The following PIK3CD variants were observed in gnomAD, a reference collection of about 807,000 sequenced individuals.
The protein encoded by PIK3CD is phosphatidylinositol-4,5-bisphosphate 3-kinase catalytic subunit delta, also known as phosphatidylinositol 4,5-bisphosphate 3-kinase catalytic subunit delta isoform.
In PIK3CD, 20 loss-of-function variants were observed where a neutral mutation model predicts 122.9. That is an observed-to-expected ratio of 0.16 (90% CI 0.11 to 0.24). PIK3CD has a LOEUF of 0.24. Among genes scored for constraint, PIK3CD ranks in the 10% least tolerant of loss-of-function variants. PIK3CD has a pLI of 1.00. For missense variants in PIK3CD, 787 were observed against 1,406.3 expected, an observed-to-expected ratio of 0.56 and a Z score of 7.04; for synonymous variants, 596 against 593.4, an observed-to-expected ratio of 1.00 and a Z score of -0.06.
intron 1 of PIK3CD, among the ~76,000 whole-genome samples, chr1:9,658,754 T>C (rs1644931691): frequency 6.6e-6 from 1 of 152,098 alleles, no homozygotes; most frequent in Non-Finnish European, 1.5e-5. Flanking sequence ...GGTCTCAAAC[T>C]CCTGACCTCA....
intron 1 of PIK3CD, among the ~76,000 whole-genome samples, chr1:9,675,804 C>T (rs1246438466): frequency 6.6e-6 from 1 of 150,488 alleles, no homozygotes; most frequent in East Asian, 1.9e-4. Context: ...CTCGCTGTGT[C>T]ACCCAGTCTG....
rs374244384 is a variant in PIK3CD at position 9,715,780 on chromosome 1, C to T, written c.370+11C>T. On this transcript the variant is annotated intron_variant, in intron 4 of 23. Transcript: ENST00000377346. This position sits in a 1 kb window ranked among gnomAD's most constrained non-coding sequence, Gnocchi z 4.1. ...TCCTCATCGGCAAAGGTAGCTCTGC[C>T]GAGTGGGCCGTGTGGCCGGGCTGGC... The T allele has an allele frequency of 8.1e-6, 13 of 1,612,730 alleles. 1 individual carries two copies. The highest frequency in any genetic ancestry group is 5.5e-5 in the South Asian group (5 of 91,080).
intron 1 of PIK3CD, among the ~76,000 whole-genome samples, chr1:9,679,621 C>T (rs1305108027): frequency 2.0e-5 from 3 of 152,158 alleles, no homozygotes; most frequent in Non-Finnish European, 4.4e-5. Flanking sequence ...TCACAGAGCT[C>T]TCCCAGCCCT....
chr1:9,724,898 C>T lies in PIK3CD; in HGVS notation c.2959C>T (p.Pro987Ser). ...LFALMRAAGL[P>S]ELSCSKDIQY... Reference sequence around the variant, plus strand: ...TGCCCTGATGCGGGCGGCAGGCCTGCCTGAGCTCAGCTGCTCCAAAGACAT... The same window carrying T: ...TGCCCTGATGCGGGCGGCAGGCCTGTCTGAGCTCAGCTGCTCCAAAGACAT... Residue 987 changes from proline (P) to serine (S), a missense_variant, in exon 23 of 24, where the codon CCT (proline) becomes TCT (serine). By Grantham distance (74) the Pro-to-Ser change is moderately conservative. This residue lies in a region of PIK3CD where 60 missense variants were observed against 129.5 expected (regional missense o/e 0.46). Coordinates refer to ENST00000377346, the MANE Select transcript of PIK3CD (RefSeq NM_005026.5). The surrounding 1 kb of genome is among the most constrained non-coding windows in gnomAD (Gnocchi z 7.3). The T allele has an allele frequency of 1.2e-6, 2 of 1,613,918 alleles. No individual in the cohort carries two copies. The highest frequency in any genetic ancestry group is 1.7e-6 in the Non-Finnish European group (2 of 1,180,034).
At chr1:9,644,667 A>T in the PIK3CD span, among the ~76,000 whole-genome samples, 1 of 152,088 alleles carries the variant, frequency 6.6e-6, no homozygotes, top group African/African-American at 2.4e-5. Context: ...AACTGTTGTC[A>T]TGTGTGCCTT....
intron 1 of PIK3CD, chr1:9,687,651 A>T (rs1050930637): frequency 6.6e-6 from 1 of 152,154 alleles, no homozygotes; most frequent in Non-Finnish European, 1.5e-5. Flanking sequence ...GGATCTGTGA[A>T]AGCACAGCCA....
chr1:9,669,425 T>C (rs1360790409), intron 1 of PIK3CD, among the ~76,000 whole-genome samples: 1 of 152,074 alleles, frequency 6.6e-6, no homozygotes, highest in Non-Finnish European at 1.5e-5. Flanking sequence ...TCTCAAGAGG[T>C]CCTGAGAAAG....
chr1:9,657,164 G>C (rs942855365), intron 1 of PIK3CD, among the ~76,000 whole-genome samples: 1 of 152,062 alleles, frequency 6.6e-6, no homozygotes, highest in Non-Finnish European at 1.5e-5. Flanking sequence ...CTGGGTCTCC[G>C]TCTGTCTCTT....
At position 9,728,727 on chromosome 1, in the gene PIK3CD, C is replaced by CTT. The variant is rs1159309849; in HGVS notation, c.*1683_*1684dup. On this transcript the variant is annotated 3_prime_UTR_variant, in exon 24 of 24. Coordinates refer to ENST00000377346, the MANE Select transcript of PIK3CD (RefSeq NM_005026.5). ...CTGTGTGCGCGGGTGTGGGAGCACA[C>CTT]TTTGCAAAGCCACAGCGTTTCTGGT... The CTT allele has an allele frequency of 1.3e-5, 2 of 152,284 alleles. No homozygotes were observed. The highest frequency in any genetic ancestry group is 2.4e-5 in the African/African-American group (1 of 41,472). The allele number at this position is 152,284 out of a possible 1,614,324, so 9.4% of individuals were successfully genotyped here.
intron 2 of PIK3CD, among the ~76,000 whole-genome samples, chr1:9,695,478 C>T (rs895649635): frequency 1.3e-4 from 20 of 152,054 alleles, no homozygotes; most frequent in African/African-American, 2.4e-5. Context: ...TACTAAATGT[C>T]ATCAGAGAAA....
chr1:9,708,833 A>G (rs1646942663), intron 2 of PIK3CD, among the ~76,000 whole-genome samples: 1 of 152,030 alleles, frequency 6.6e-6, no homozygotes. Flanking sequence ...CTCTGTTTCA[A>G]AAAAATAAAA....
At chr1:9,655,991 G>T (rs554422913) in intron 1 of PIK3CD, among the ~76,000 whole-genome samples, 14 of 152,248 alleles carry the variant, frequency 9.2e-5, no homozygotes, top group African/African-American at 3.4e-4. Flanking sequence ...GCCACCATGC[G>T]CGGCCTTCCT....
chr1:9,717,153 C>T lies in PIK3CD; in HGVS notation c.930+45C>T. On this transcript the variant is annotated intron_variant, in intron 7 of 23. Transcript: ENST00000377346. This position sits in a 1 kb window ranked among gnomAD's most constrained non-coding sequence, Gnocchi z 5.4. ...CTCCCCTCTGAGCCACCCCTTCTTT[C>T]CACCTGGCGTCCAACTCCATGTGCT... is the stretch of plus-strand genomic sequence containing the variant. 1 of 1,611,154 alleles carries T rather than the reference C, an allele frequency of 6.2e-7. No homozygotes were observed. Among genetic ancestry groups the T allele is most frequent in the South Asian group, 1.1e-5 (1 of 91,016 alleles).
rs935439760 is a variant in PIK3CD, at chr1:9,719,686, G to A, written c.1243-235G>A. On this transcript the variant is annotated intron_variant, in intron 9 of 23. Coordinates refer to ENST00000377346, the MANE Select transcript of PIK3CD (RefSeq NM_005026.5). The surrounding 1 kb of genome is among the most constrained non-coding windows in gnomAD (Gnocchi z 5.5). The stretch of plus-strand genomic sequence containing the variant: ...AAAAAAAAAAAAAAGCCTGAGTAGG[G>A]GTGAGGTGGGAACAGGAGGGTGCAG... Among the ~76,000 whole-genome samples, 7 of 152,096 alleles carry A rather than the reference G, an allele frequency of 4.6e-5. No individual in the cohort carries two copies. The highest frequency in any genetic ancestry group is 8.8e-5 in the Non-Finnish European group (6 of 67,942).
chr1:9,671,400 G>C (rs11811034), intron 1 of PIK3CD, among the ~76,000 whole-genome samples: 9,540 of 152,130 alleles, frequency 0.063, 400 homozygotes, highest in South Asian at 0.15. Context: ...GGCCTGGCCT[G>C]TCCGGGCTGC....
chr1:9,691,955 A>AT (rs910851381), intron 2 of PIK3CD: 1 of 161,404 alleles, frequency 6.2e-6, no homozygotes, highest in Non-Finnish European at 1.3e-5. Flanking sequence ...AATGGATTGA[A>AT]TTTTTATAAT....
At chr1:9,646,678 T>G in the PIK3CD span, among the ~76,000 whole-genome samples, 1 of 152,152 alleles carries the variant, frequency 6.6e-6, no homozygotes, top group East Asian at 1.9e-4. Flanking sequence ...CTGAGCCAGG[T>G]GTGGTGGCTC....
intron 2 of PIK3CD, among the ~76,000 whole-genome samples, chr1:9,697,142 TG>T (rs1379867349): frequency 1.3e-5 from 2 of 150,032 alleles, no homozygotes; most frequent in Admixed American, 6.6e-5. Flanking sequence ...GAGGCTAATG[TG>T]GGGGGATCAC....
chr1:9,664,556 C>T (rs774819867), intron 1 of PIK3CD, among the ~76,000 whole-genome samples: 2 of 152,176 alleles, frequency 1.3e-5, no homozygotes, highest in South Asian at 2.1e-4. Context: ...GCATGCAATT[C>T]GACCCTTAGA....
Sources: gnomAD v4.1 joint callset for allele counts (sites outside exome capture counted in the v4.1 genomes callset) on GRCh38, gnomAD v4.1.1 for gene constraint, gnomAD v4.1.1 regional missense constraint, Gnocchi (gnomAD v3.1) non-coding constraint, MANE v1.5 for transcripts, NCBI Gene and HGNC (gene_info 2026-07-23, HGNC 2026-07-21) for gene names.